CKAP2: variants seen among roughly 807,000 people sequenced by gnomAD.
The protein encoded by CKAP2 is cytoskeleton-associated protein 2.
A neutral mutation model predicts 58.4 loss-of-function variants in CKAP2; 46 were observed. That is an observed-to-expected ratio of 0.79 (90% confidence interval 0.62 to 1.01). CKAP2 has a LOEUF of 1.01. CKAP2 is among the 50% of genes least tolerant of loss of function. CKAP2 has a pLI of 0.00. For missense variants in CKAP2, 809 were observed against 796.4 expected, an observed-to-expected ratio of 1.02 and a Z score of -0.19; for synonymous variants, 293 against 280.9, an observed-to-expected ratio of 1.04 and a Z score of -0.43.
intron 2 of CKAP2, among the ~76,000 whole-genome samples, chr13:52,457,180 C>T (rs1267356095): frequency 4.6e-5 from 7 of 152,148 alleles, no homozygotes; most frequent in African/African-American, 1.7e-4. Context: ...CAAGGATGAG[C>T]CACCGCGCCC....
intron 6 of CKAP2, 75 bp from the exon 7 acceptor site, chr13:52,468,203 G>C (rs573948426): frequency 1.2e-6 from 1 of 837,912 alleles, no homozygotes; most frequent in Admixed American, 2.6e-5. Flanking sequence ...AAATTTAATC[G>C]CGACTTGGAT....
Position 52,462,437 on chromosome 13 carries a change from A to T in CKAP2, c.1175A>T (p.His392Leu). Residue 392 changes from histidine (H) to leucine (L), a missense_variant, in exon 5 of 9, where the codon CAT becomes CTT. By Grantham distance (99) the His-to-Leu change is moderately conservative. Coordinates refer to ENST00000258607, the MANE Select transcript of CKAP2 (RefSeq NM_018204.5). ...CCCCCTAATTCAGTAGTTACTCAGCATGAGCCTGCAGGACAAAATGAAAAA... is the reference window on the plus strand; with the variant it reads ...CCCCCTAATTCAGTAGTTACTCAGCTTGAGCCTGCAGGACAAAATGAAAAA... ...KRPPNSVVTQ[H>L]EPAGQNEKPV... 1 of 1,614,142 alleles carries T rather than the reference A, an allele frequency of 6.2e-7. No homozygotes were observed. The highest frequency in any genetic ancestry group is 1.1e-5 in the South Asian group (1 of 91,084).
intron 2 of CKAP2, among the ~76,000 whole-genome samples, chr13:52,457,092 T>G (rs1958498068): frequency 6.6e-6 from 1 of 152,138 alleles, no homozygotes; most frequent in South Asian, 2.1e-4. Context: ...AGACCGGGTT[T>G]CACTATGTTG....
chr13:52,455,892 C>A, intron 1 of CKAP2: 3 of 1,078,848 alleles, frequency 2.8e-6, no homozygotes, highest in Non-Finnish European at 3.5e-6. Context: ...CGAGGGGAAA[C>A]GCGCGGGCCT....
rs1235606517 is a variant in CKAP2 at position 52,456,608 on chromosome 13, G to C, written c.155+1G>C. On this transcript the variant is annotated splice_donor_variant, in intron 2 of 8. Transcript: ENST00000258607. LOFTEE classifies it high-confidence loss of function. ...AGCAGGAAAATGAGATGTTATCCAG[G>C]TAAGGTCAAGTTTATTTCTTTTCAC... is the stretch of plus-strand genomic sequence containing the variant. The C allele has an allele frequency of 5.6e-6, 9 of 1,606,012 alleles. No individual in the cohort carries two copies. The highest frequency in any genetic ancestry group is 7.7e-6 in the Non-Finnish European group (9 of 1,173,186).
chr13:52,457,097 A>G (rs150809210), intron 2 of CKAP2, among the ~76,000 whole-genome samples: 2 of 152,042 alleles, frequency 1.3e-5, no homozygotes, highest in East Asian at 1.9e-4. Flanking sequence ...GGGTTTCACT[A>G]TGTTGGCCGG....
intron 6 of CKAP2, 29 bp downstream of exon 6, chr13:52,465,494 A>G (rs776732770): frequency 1.0e-5 from 16 of 1,576,748 alleles, no homozygotes; most frequent in Non-Finnish European, 1.2e-5. Flanking sequence ...GATCTTTACA[A>G]TTACAGTGTA....
Position 52,473,847 on chromosome 13 carries a change from C to T in CKAP2, c.1565C>T (p.Ser522Phe). ...TCTATAGGAGAAAATATGGAGAAGTCTTGTGCAAGCAAGGAAGAAGTCAAA... is the reference window on the plus strand; with the variant it reads ...TCTATAGGAGAAAATATGGAGAAGTTTTGTGCAAGCAAGGAAGAAGTCAAA... ...KANLGENMEK[S>F]CASKEEVKEV... Residue 522 changes from serine to phenylalanine, a missense_variant, in exon 8 of 9, where the codon TCT (serine) becomes TTT (phenylalanine). By Grantham distance (155) the Ser-to-Phe change is radical (BLOSUM62 -2). Coordinates refer to ENST00000258607, the MANE Select transcript of CKAP2 (RefSeq NM_018204.5). The T allele has an allele frequency of 6.2e-7, 1 of 1,609,026 alleles. No individual in the cohort carries two copies. The highest frequency in any genetic ancestry group is 8.5e-7 in the Non-Finnish European group (1 of 1,178,106).
intron 5 of CKAP2, among the ~76,000 whole-genome samples, chr13:52,464,371 G>C (rs776372096): frequency 1.1e-4 from 16 of 152,142 alleles, no homozygotes; most frequent in Admixed American, 2.0e-4. Flanking sequence ...TGGCCAACAT[G>C]GTAAAACTCT....
At chr13:52,462,250 A>G (rs1246532755) in intron 4 of CKAP2, 113 bp from the exon 5 acceptor site, 25 of 877,976 alleles carry the variant, frequency 2.8e-5, no homozygotes, top group South Asian at 9.0e-5. Flanking sequence ...CTTGTGAACT[A>G]TATATGCCAT....
At chr13:52,458,366 A>G (rs1958519761) in intron 2 of CKAP2, among the ~76,000 whole-genome samples, 1 of 152,186 alleles carries the variant, frequency 6.6e-6, no homozygotes, top group Non-Finnish European at 1.5e-5. Context: ...ATTAGTATAC[A>G]GATGATATTT....
chr13:52,472,691 A>G (rs1187433177), intron 7 of CKAP2, among the ~76,000 whole-genome samples: 2 of 152,186 alleles, frequency 1.3e-5, no homozygotes, highest in Admixed American at 1.3e-4. Flanking sequence ...GAAATGTTGG[A>G]TAAGACGCTC....
intron 2 of CKAP2, among the ~76,000 whole-genome samples, chr13:52,456,951 A>G (rs925852763): frequency 6.6e-6 from 1 of 151,750 alleles, no homozygotes; most frequent in Non-Finnish European, 1.5e-5. Flanking sequence ...GGAGTGCAGT[A>G]GCGTGATCTT....
In CKAP2 at chr13:52,472,121, G is replaced by A. The variant is rs567672653; in HGVS notation, c.1547-1708G>A. On this transcript the variant is annotated intron_variant, in intron 7 of 8. Transcript: ENST00000258607. ...CTTCAATTCAAATGTTAGTTCCTTG[G>A]AGTAGCCTTCCCTGATGATTTCCCT... Among the ~76,000 whole-genome samples the A allele has an allele frequency of 2.4e-4, 36 of 152,036 alleles. No individual in the cohort carries two copies. In the South Asian group the frequency reaches 7.5e-3, roughly 32 times the overall value.
chr13:52,462,597 A>C, intron 5 of CKAP2, 30 bp downstream of exon 5: 1 of 1,554,492 alleles, frequency 6.4e-7, no homozygotes, highest in Non-Finnish European at 8.7e-7. Context: ...TTAGCATTTT[A>C]TAGTTTGCAA....
In CKAP2 at chr13:52,465,946, C is replaced by CACATATATATACACAT. The variant is rs1388402201; in HGVS notation, c.1476+482_1476+483insCATATATATACACATA. 1.3e-3 allele frequency: 374 copies of CACATATATATACACAT among 293,596 alleles called. 1 individual carries two copies. Among genetic ancestry groups the CACATATATATACACAT allele is most frequent in the African/African-American group, 6.7e-3 (289 of 43,056 alleles). The allele number at this position is 293,596 out of a possible 1,614,324, so 18.2% of individuals were successfully genotyped here. A position where few individuals can be genotyped will look rare whatever the true frequency, so the allele number is the denominator to read the frequency against. ...ATATATATACACACATATATATACA[C>CACATATATATACACAT]ATATATATGCACACATATATACACA... On this transcript the variant is annotated intron_variant, in intron 6 of 8. Coordinates refer to ENST00000258607, the MANE Select transcript of CKAP2 (RefSeq NM_018204.5).
chr13:52,469,787 G>A (rs921998336), intron 7 of CKAP2, among the ~76,000 whole-genome samples: 3 of 149,260 alleles, frequency 2.0e-5, no homozygotes, highest in East Asian at 1.9e-4. Flanking sequence ...TAGTAGAGAC[G>A]GGGTTTCACC....
At position 52,459,298 on chromosome 13, in the gene CKAP2, T is replaced by G. The variant is rs758720222; in HGVS notation, c.156-1601T>G. Among the ~76,000 whole-genome samples the G allele has an allele frequency of 2.6e-5, 4 of 152,094 alleles. No individual in the cohort carries two copies. In the South Asian group the frequency reaches 8.3e-4, roughly 32 times the overall value. On this transcript the variant is annotated intron_variant, in intron 2 of 8. Transcript: ENST00000258607. ...TTATTAACTACTAAATTATGTCAAATGTAAAATATATATATATATATTTTG... is the reference window on the plus strand; with the variant it reads ...TTATTAACTACTAAATTATGTCAAAGGTAAAATATATATATATATATTTTG...
chr13:52,456,130 T>G, intron 1 of CKAP2: 1 of 1,024,676 alleles, frequency 9.8e-7, no homozygotes, highest in Non-Finnish European at 1.2e-6. Context: ...ATTCCCTTAT[T>G]CTACACACGG....
Sources: allele counts gnomAD v4.1 joint callset (sites outside exome capture counted in the v4.1 genomes callset), GRCh38; gene constraint gnomAD v4.1.1; transcripts MANE v1.5; gene names NCBI Gene and HGNC (gene_info 2026-07-23, HGNC 2026-07-21).